Variants in THSD7B observed in about 807,000 individuals in gnomAD.
THSD7B encodes thrombospondin type 1 domain containing 7B, also known as thrombospondin type-1 domain-containing protein 7B.
In THSD7B, 138 loss-of-function variants were observed where a neutral mutation model predicts 213.6. The observed-to-expected ratio is 0.65, with a 90% confidence interval of 0.56 to 0.74. The LOEUF (loss-of-function observed/expected upper bound fraction) is 0.74, where lower values mean the gene tolerates loss of function less well. THSD7B is among the 30% of genes least tolerant of loss of function. The probability of loss-of-function intolerance (pLI) is 0.00; values close to 1 mark genes in which losing one functional copy is unlikely to be tolerated. For missense variants in THSD7B, 1,931 were observed against 1,991.5 expected (o/e 0.97, Z 0.58); for synonymous variants, 742 against 687.0 (o/e 1.08, Z -1.25).
chr2:136,793,054 C>A (rs1473925675), intron 1 of THSD7B, among the ~76,000 whole-genome samples: 3 of 151,984 alleles, frequency 2.0e-5, no homozygotes, highest in Non-Finnish European at 4.4e-5. Flanking sequence ...CATTTGGCTA[C>A]ACGTCTTTCT....
intron 10 of THSD7B, 41 bp from the exon 11 acceptor site, chr2:137,272,492 A>G (rs557818527): frequency 2.6e-6 from 4 of 1,565,312 alleles, no homozygotes; most frequent in Middle Eastern, 3.4e-4. Context: ...CTGCATCAAC[A>G]TAAAAGGGCA....
chr2:137,105,329 C>T (rs1024903752), intron 4 of THSD7B, among the ~76,000 whole-genome samples: 1 of 152,108 alleles, frequency 6.6e-6, no homozygotes, highest in African/African-American at 2.4e-5. Flanking sequence ...TAGATAGACG[C>T]AGAAAAGCCC....
chr2:137,272,113 G>A (rs1212917070), intron 10 of THSD7B, among the ~76,000 whole-genome samples: 1 of 152,002 alleles, frequency 6.6e-6, no homozygotes, highest in African/African-American at 2.4e-5. Flanking sequence ...TTATAGGTGT[G>A]TTTTGTTTGC....
At chr2:137,564,627 C>T (rs1488315886) in intron 16 of THSD7B, among the ~76,000 whole-genome samples, 2 of 152,266 alleles carry the variant, frequency 1.3e-5, no homozygotes, top group East Asian at 3.9e-4. Flanking sequence ...GCATCTCCTA[C>T]TTGTATCCTA....
At chr2:137,339,399 C>A (rs1684708602) in intron 12 of THSD7B, among the ~76,000 whole-genome samples, 1 of 151,974 alleles carries the variant, frequency 6.6e-6, no homozygotes, top group South Asian at 2.1e-4. Flanking sequence ...AAGAGAATGT[C>A]TTTCTGGCCA....
chr2:137,149,200 G>T (rs925596242), intron 5 of THSD7B, among the ~76,000 whole-genome samples: 5 of 152,188 alleles, frequency 3.3e-5, no homozygotes, highest in Non-Finnish European at 5.9e-5. Context: ...GGGCCTTTTG[G>T]TGCATAGAAG....
At chr2:137,627,152 C>T (rs1253150438) in intron 20 of THSD7B, among the ~76,000 whole-genome samples, 2 of 152,172 alleles carry the variant, frequency 1.3e-5, no homozygotes, top group African/African-American at 4.8e-5. Context: ...AAGCCACACA[C>T]TTTTTAACAA....
intron 2 of THSD7B, among the ~76,000 whole-genome samples, chr2:137,048,889 C>A (rs950104081): frequency 2.4e-4 from 37 of 152,138 alleles, no homozygotes; most frequent in African/African-American, 7.7e-4. Context: ...AAGTCAATAC[C>A]TAGGCTTTCT....
chr2:137,563,315 C>A lies in THSD7B; in HGVS notation c.3233C>A (p.Ser1078Tyr). Reference protein sequence around the residue: ...SSCKINNELRSLRCGGGTQSR... With the variant: ...SSCKINNELRYLRCGGGTQSR... Reference sequence around the variant, plus strand: ...TGCAAAATCAACAATGAGCTGAGGTCCCTGCGCTGTGGAGGAGGAACACAA... The same window carrying A: ...TGCAAAATCAACAATGAGCTGAGGTACCTGCGCTGTGGAGGAGGAACACAA... Residue 1078 changes from serine (S) to tyrosine (Y), a missense_variant, in exon 16 of 28, where the codon TCC (serine) becomes TAC (tyrosine). Transcript: ENST00000409968. 6.2e-7 allele frequency: 1 copy of A among 1,613,318 alleles called. No homozygotes were observed. The highest frequency in any genetic ancestry group is 8.5e-7 in the Non-Finnish European group (1 of 1,179,588).
intron 10 of THSD7B, among the ~76,000 whole-genome samples, chr2:137,260,499 A>C (rs1245250042): frequency 6.6e-6 from 1 of 152,184 alleles, no homozygotes; most frequent in East Asian, 1.9e-4. Flanking sequence ...ATGGTGGTTC[A>C]TGCCTGTAAT....
chr2:137,500,614 A>G (rs1418235410), intron 15 of THSD7B, among the ~76,000 whole-genome samples: 1 of 150,936 alleles, frequency 6.6e-6, no homozygotes, highest in African/African-American at 2.5e-5. Context: ...CTGTGAAGCT[A>G]TCTTTTAAAT....
intron 17 of THSD7B, among the ~76,000 whole-genome samples, chr2:137,609,495 T>C (rs566581791): frequency 1.3e-5 from 2 of 152,242 alleles, no homozygotes; most frequent in South Asian, 4.1e-4. Context: ...ATCAAGGCCC[T>C]GGGGCAAGGA....
At chr2:136,914,785 T>C (rs1684324615) in intron 2 of THSD7B, among the ~76,000 whole-genome samples, 1 of 152,120 alleles carries the variant, frequency 6.6e-6, no homozygotes, top group Non-Finnish European at 1.5e-5. Flanking sequence ...CAGTCTTGGG[T>C]ATATCTTTAT....
intron 20 of THSD7B, among the ~76,000 whole-genome samples, chr2:137,622,063 T>G (rs1682530213): frequency 1.3e-5 from 2 of 152,140 alleles, no homozygotes; most frequent in African/African-American, 4.8e-5. Flanking sequence ...ATTAATCCAT[T>G]CATGGGGGAT....
Position 137,025,405 on chromosome 2 carries a change from T to G in THSD7B, c.140-31015T>G, listed in dbSNP as rs369111956. 9.2e-5 allele frequency among the ~76,000 whole-genome samples: 14 copies of G among 152,326 alleles called. No homozygotes were observed. In the South Asian group the frequency reaches 1.0e-3, roughly 11 times the overall value. On this transcript the variant is annotated intron_variant, in intron 2 of 27. Coordinates refer to ENST00000409968, the MANE Select transcript of THSD7B (RefSeq NM_001316349.2). The stretch of plus-strand genomic sequence containing the variant: ...TGTCCCAGCTCATAGGACATGGCTC[T>G]GTCCATCACTCTGTTTTATTTTCTT...
intron 5 of THSD7B, among the ~76,000 whole-genome samples, chr2:137,122,758 T>C (rs1688566079): frequency 6.6e-6 from 1 of 152,102 alleles, no homozygotes; most frequent in South Asian, 2.1e-4. Flanking sequence ...CCCACTATCA[T>C]ATAGTCTCCC....
chr2:137,443,980 C>T (rs1687474457), intron 14 of THSD7B, among the ~76,000 whole-genome samples: 2 of 151,954 alleles, frequency 1.3e-5, no homozygotes, highest in South Asian at 4.1e-4. Context: ...AATACATTAG[C>T]ATCATTTATA....
rs187235397 is a variant in THSD7B at position 137,030,001 on chromosome 2, A to G, written c.140-26419A>G. ...TCTGTATAAGACTGTGCTACACTAC[A>G]TGGGGTACACGCTGTTATATGAGAA... On this transcript the variant is annotated intron_variant, in intron 2 of 27. Transcript: ENST00000409968. Among the ~76,000 whole-genome samples, 346 of 152,280 alleles carry G rather than the reference A, an allele frequency of 2.3e-3. 3 individuals carry two copies. Among genetic ancestry groups the G allele is most frequent in the African/African-American group, 7.3e-3 (305 of 41,556 alleles).
chr2:137,255,595 CT>C (rs1682288406), intron 10 of THSD7B, among the ~76,000 whole-genome samples: 1 of 152,152 alleles, frequency 6.6e-6, no homozygotes, highest in African/African-American at 2.4e-5. Context: ...CTTTACTTCC[CT>C]TTAGCTATGT....
Sources: allele counts gnomAD v4.1 joint callset (sites outside exome capture counted in the v4.1 genomes callset), GRCh38; gene constraint gnomAD v4.1.1; transcripts MANE v1.5; gene names NCBI Gene and HGNC (gene_info 2026-07-23, HGNC 2026-07-21).